The following SLCO1B1 variants were observed in gnomAD, a reference collection of about 807,000 sequenced individuals.
The protein encoded by SLCO1B1 is solute carrier organic anion transporter family member 1B1.
Under a neutral mutation model 70.1 loss-of-function variants are expected in SLCO1B1, and 81 were observed. The ratio of observed to expected loss-of-function variants is 1.16; its 90% CI spans 0.97 to 1.39. SLCO1B1 has a LOEUF of 1.39. Ranked by LOEUF, SLCO1B1 falls within the 40% of genes most tolerant of loss-of-function variation. SLCO1B1 has a pLI of 0.00. For missense variants in SLCO1B1, 895 were observed against 799.6 expected (o/e 1.12, Z -1.44); for synonymous variants, 283 against 271.5 (o/e 1.04, Z -0.42).
intron 14 of SLCO1B1, among the ~76,000 whole-genome samples, chr12:21,237,956 G>T (rs2121215376): frequency 6.6e-6 from 1 of 152,110 alleles, no homozygotes; most frequent in South Asian, 2.1e-4. Flanking sequence ...CTCGTGATCT[G>T]CCTGCCTCAG....
In SLCO1B1 at chr12:21,217,213, C is replaced by T. The variant is rs908931153; in HGVS notation, c.1592C>T (p.Thr531Ile). The change falls in exon 12 of 15, where the codon ACA (threonine) becomes ATA (isoleucine). Residue 531 changes from threonine to isoleucine, a missense_variant. Coordinates refer to ENST00000256958, the MANE Select transcript of SLCO1B1 (RefSeq NM_006446.5). Reference protein sequence around the residue: ...LGECPRDDACTRKFYFFVAIQ... With the variant: ...LGECPRDDACIRKFYFFVAIQ... ...GAATGCCCAAGAGATGATGCTTGTA[C>T]AAGGAAATTTTACTTTTTTGTTGCA... 1.9e-6 allele frequency: 3 copies of T among 1,613,646 alleles called. No homozygotes were observed. Among genetic ancestry groups the T allele is most frequent in the Non-Finnish European group, 2.5e-6 (3 of 1,179,676 alleles).
In SLCO1B1 at chr12:21,176,896, AG is replaced by A; in HGVS notation, c.481+1del. On this transcript the variant is annotated frameshift_variant and splice_region_variant, in exon 5 of 15. Transcript: ENST00000256958. LOFTEE classifies it high-confidence loss of function. ...NRASPEIVGK[G>X]CLKESGSYMW... ...GAGCATCACCTGAGATAGTGGGAAA[AG>A]GTAAGAATTAATATTGACAGTAAAA... The A allele has an allele frequency of 6.5e-7, 1 of 1,545,386 alleles. No homozygotes were observed. The highest frequency in any genetic ancestry group is 8.9e-7 in the Non-Finnish European group (1 of 1,117,476).
intron 2 of SLCO1B1, among the ~76,000 whole-genome samples, chr12:21,148,409 T>C (rs1368336580): frequency 2.6e-5 from 4 of 152,190 alleles, no homozygotes; most frequent in African/African-American, 9.6e-5. Flanking sequence ...AGGGGTCCAG[T>C]TTCAATTTTC....
intron 2 of SLCO1B1, among the ~76,000 whole-genome samples, chr12:21,150,199 G>A (rs573469757): frequency 6.6e-6 from 1 of 152,202 alleles, no homozygotes; most frequent in East Asian, 1.9e-4. Flanking sequence ...CCCAGTCACG[G>A]GCTTATATAT....
At chr12:21,152,227 T>C (rs2121061038) in intron 2 of SLCO1B1, among the ~76,000 whole-genome samples, 1 of 152,188 alleles carries the variant, frequency 6.6e-6, no homozygotes, top group South Asian at 2.1e-4. Flanking sequence ...ATTATAATTT[T>C]TTTAATGAAA....
chr12:21,170,703 A>T (rs1940746731), intron 2 of SLCO1B1, among the ~76,000 whole-genome samples: 1 of 152,214 alleles, frequency 6.6e-6, no homozygotes, highest in African/African-American at 2.4e-5. Flanking sequence ...GCTGTTTCTT[A>T]GATAACTTTT....
chr12:21,218,261 G>A (rs1941383667), intron 12 of SLCO1B1, among the ~76,000 whole-genome samples: 1 of 152,100 alleles, frequency 6.6e-6, no homozygotes, highest in South Asian at 2.1e-4. Context: ...TGGAGAGTTA[G>A]GAAGGGTGCA....
intron 3 of SLCO1B1, 51 bp downstream of exon 3, chr12:21,172,842 T>C (rs543600311): frequency 6.6e-7 from 1 of 1,519,438 alleles, no homozygotes; most frequent in African/African-American, 1.4e-5. Context: ...TTAAAAAATA[T>C]ATATGCTTTA....
At chr12:21,151,227 CT>C (rs1419935282) in intron 2 of SLCO1B1, among the ~76,000 whole-genome samples, 2 of 152,148 alleles carry the variant, frequency 1.3e-5, no homozygotes, top group East Asian at 3.9e-4. Flanking sequence ...GTATTATAAT[CT>C]TATGGGACCA....
intron 14 of SLCO1B1, among the ~76,000 whole-genome samples, chr12:21,228,406 A>G (rs2050002952): frequency 6.6e-6 from 1 of 152,182 alleles, no homozygotes; most frequent in South Asian, 2.1e-4. Flanking sequence ...CTTGATAAGT[A>G]AGCTGTTGTC....
intron 2 of SLCO1B1, among the ~76,000 whole-genome samples, chr12:21,153,406 T>C (rs1940499441): frequency 6.6e-6 from 1 of 152,182 alleles, no homozygotes; most frequent in South Asian, 2.1e-4. Flanking sequence ...TTTTTCGTAA[T>C]AAATTTTTTG....
rs1347509196 is a variant in SLCO1B1, at chr12:21,179,039, A to G, written c.727+19A>G. On this transcript the variant is annotated intron_variant, in intron 7 of 14. Coordinates refer to ENST00000256958, the MANE Select transcript of SLCO1B1 (RefSeq NM_006446.5). ...GATCTAAGTAAGTACAACCAGAACA[A>G]GGTACCATGATAACGTCTTTCTAAG... 2.0e-6 allele frequency: 3 copies of G among 1,471,084 alleles called. No individual in the cohort carries two copies. Among genetic ancestry groups the G allele is most frequent in the Non-Finnish European group, 1.9e-6 (2 of 1,050,390 alleles). 91.1% of individuals were successfully genotyped at this position (1,471,084 alleles called of 1,614,324 possible).
rs139845356 is a variant in SLCO1B1 at position 21,194,503 on chromosome 12, C to A, written c.728-2443C>A. Among the ~76,000 whole-genome samples, 422 of 152,112 alleles carry A rather than the reference C, an allele frequency of 2.8e-3. 1 individual carries two copies. Among genetic ancestry groups the A allele is most frequent in the African/African-American group, 1.0e-2 (413 of 41,478 alleles). On this transcript the variant is annotated intron_variant, in intron 7 of 14. Coordinates refer to ENST00000256958, the MANE Select transcript of SLCO1B1 (RefSeq NM_006446.5). The stretch of plus-strand genomic sequence containing the variant: ...TTTTGCTCTAGCTCCCAATAACTGT[C>A]ATTTCTATTTGAGACCTTTTCAGCA...
chr12:21,200,627 G>C lies in SLCO1B1; in HGVS notation c.1090G>C (p.Glu364Gln). 1.2e-6 allele frequency: 2 copies of C among 1,612,248 alleles called. No homozygotes were observed. The highest frequency in any genetic ancestry group is 1.1e-5 in the South Asian group (1 of 90,936). The stretch of plus-strand genomic sequence containing the variant: ...TTTTACTTATGTCTTCAAATACGTA[G>C]AGCAACAGTATGGTCAGCCTTCATC... ...GAFTYVFKYV[E>Q]QQYGQPSSKA... The change falls in exon 9 of 15, where the codon GAG becomes CAG. Residue 364 changes from glutamate to glutamine, a missense_variant. Glu to Gln is a conservative substitution (Grantham distance 29). Coordinates refer to ENST00000256958, the MANE Select transcript of SLCO1B1 (RefSeq NM_006446.5).
rs200994482 is a variant in SLCO1B1 at position 21,224,840 on chromosome 12, G to A, written c.1865+1G>A. 197 of 1,516,654 alleles carry A rather than the reference G, an allele frequency of 1.3e-4. No individual in the cohort carries two copies. The East Asian group carries it at 1.6e-3, about 13-fold the overall frequency. 93.9% of individuals were successfully genotyped at this position (1,516,654 alleles called of 1,614,324 possible). A position where few individuals can be genotyped will look rare whatever the true frequency, so the allele number is the denominator to read the frequency against. The stretch of plus-strand genomic sequence containing the variant: ...GGACATATAATTCCACATCATTTTC[G>A]TAAGTTGTCATAAATATATTTCATT... On this transcript the variant is annotated splice_donor_variant, in intron 14 of 14. Coordinates refer to ENST00000256958, the MANE Select transcript of SLCO1B1 (RefSeq NM_006446.5). LOFTEE classifies it high-confidence loss of function.
Position 21,176,772 on chromosome 12 carries a change from A to G in SLCO1B1, c.360-4A>G. 6.6e-7 allele frequency: 1 copy of G among 1,525,586 alleles called. No individual in the cohort carries two copies. The highest frequency in any genetic ancestry group is 1.1e-5 in the South Asian group (1 of 89,548). 94.5% of individuals were successfully genotyped at this position (1,525,586 alleles called of 1,614,324 possible). ...AAATGTTTAATTCAGTGATGTTCTTACAGTTACAGGTATTCTAAAGAAACT... is the reference window on the plus strand; with the variant it reads ...AAATGTTTAATTCAGTGATGTTCTTGCAGTTACAGGTATTCTAAAGAAACT... On this transcript the variant is annotated splice_region_variant and splice_polypyrimidine_tract_variant and intron_variant, in intron 4 of 14. Coordinates refer to ENST00000256958, the MANE Select transcript of SLCO1B1 (RefSeq NM_006446.5).
chr12:21,146,724 C>A lies in SLCO1B1; in HGVS notation c.84+5066C>A, dbSNP rs112288969. 3.9e-5 allele frequency among the ~76,000 whole-genome samples: 6 copies of A among 152,016 alleles called. 1 individual carries two copies. Among genetic ancestry groups the A allele is most frequent in the African/African-American group, 1.4e-4 (6 of 41,456 alleles). On this transcript the variant is annotated intron_variant, in intron 2 of 14. Coordinates refer to ENST00000256958, the MANE Select transcript of SLCO1B1 (RefSeq NM_006446.5). The stretch of plus-strand genomic sequence containing the variant: ...TACTTAAAAGTGTGGTAGTTAATCT[C>A]CACATATTTTGGTATTTTTCCAGTT...
intron 2 of SLCO1B1, among the ~76,000 whole-genome samples, chr12:21,146,972 C>G (rs1307753700): frequency 1.3e-5 from 2 of 152,014 alleles, no homozygotes; most frequent in African/African-American, 4.8e-5. Flanking sequence ...CAATCATGTT[C>G]TTCCTGTTTT....
chr12:21,200,099 C>T (rs1941138853), intron 8 of SLCO1B1, among the ~76,000 whole-genome samples: 1 of 152,106 alleles, frequency 6.6e-6, no homozygotes, highest in Non-Finnish European at 1.5e-5. Flanking sequence ...CTGTGCCCGG[C>T]CTTCACTTTT....
Sources: gnomAD v4.1 joint callset for allele counts (sites outside exome capture counted in the v4.1 genomes callset) on GRCh38, gnomAD v4.1.1 for gene constraint, MANE v1.5 for transcripts, NCBI Gene and HGNC (gene_info 2026-07-23, HGNC 2026-07-21) for gene names.